The following FSAF1 variants were observed in gnomAD, a reference collection of about 807,000 sequenced individuals.
FSAF1 encodes 40S small subunit processome assembly factor 1, also known as uncharacterized protein C1orf131.
the FSAF1 span, chr1:231,224,305 T>C: frequency 6.2e-7 from 1 of 1,612,132 alleles, no homozygotes; most frequent in Non-Finnish European, 8.5e-7. Flanking sequence ...GAAGAATTTA[T>C]TTTCTTGATA....
the FSAF1 span, among the ~76,000 whole-genome samples, chr1:231,235,482 C>T: frequency 3.3e-5 from 5 of 149,298 alleles, no homozygotes; most frequent in African/African-American, 1.2e-4. Flanking sequence ...GGTGACAGGG[C>T]AAGACTCCAT....
chr1:231,227,192 C>T, the FSAF1 span: 1 of 981,972 alleles, frequency 1.0e-6, no homozygotes, highest in South Asian at 1.4e-5. Context: ...GGAATAATAA[C>T]TCCACTGTCA....
the FSAF1 span, chr1:231,227,099 T>G: frequency 1.8e-5 from 29 of 1,606,810 alleles, no homozygotes; most frequent in East Asian, 5.1e-4. Flanking sequence ...CAGACGCAAG[T>G]GCATTCCAAC....
chr1:231,233,282 A>T, the FSAF1 span, among the ~76,000 whole-genome samples: 1 of 152,254 alleles, frequency 6.6e-6, no homozygotes, highest in South Asian at 2.1e-4. Context: ...TCTCTCTAGT[A>T]TAAAAGTTAT....
the FSAF1 span, chr1:231,224,058 G>T: frequency 7.2e-6 from 3 of 415,306 alleles, no homozygotes; most frequent in Non-Finnish European, 1.2e-5. Flanking sequence ...CTTTTCAGTG[G>T]GTTCACTTCA....
the FSAF1 span, chr1:231,229,115 A>T: frequency 8.1e-7 from 1 of 1,240,578 alleles, no homozygotes; most frequent in Non-Finnish European, 1.1e-6. Context: ...AAATAAAGTT[A>T]ATTATAAATA....
the FSAF1 span, among the ~76,000 whole-genome samples, chr1:231,240,535 T>A: frequency 1.4e-5 from 2 of 144,758 alleles, no homozygotes; most frequent in Non-Finnish European, 3.0e-5. This position sits in a 1 kb window ranked among gnomAD's most constrained non-coding sequence, Gnocchi z 4.1. Flanking sequence ...CGCACTTGTT[T>A]AAAAAAAAAA....
At chr1:231,224,429 A>G in the FSAF1 span, 1 of 1,599,412 alleles carries the variant, frequency 6.3e-7, no homozygotes, top group Non-Finnish European at 8.5e-7. Flanking sequence ...ATTTAAAGTA[A>G]GAGAAAGGTA....
chr1:231,230,440 A>C, the FSAF1 span, among the ~76,000 whole-genome samples: 1 of 152,320 alleles, frequency 6.6e-6, no homozygotes, highest in Non-Finnish European at 1.5e-5. Context: ...TTTGGTTTAT[A>C]ATTCCTAACA....
chr1:231,233,961 T>C, the FSAF1 span, among the ~76,000 whole-genome samples: 3 of 152,208 alleles, frequency 2.0e-5, no homozygotes, highest in African/African-American at 7.2e-5. Context: ...CTCTGGGTGT[T>C]TGGAATTGCA....
At chr1:231,238,676 G>C in the FSAF1 span, 2 of 558,838 alleles carry the variant, frequency 3.6e-6, no homozygotes, top group African/African-American at 3.7e-5. Flanking sequence ...ACTAAGGTCA[G>C]TCTGTAGGCC....
chr1:231,233,387 A>C, the FSAF1 span, among the ~76,000 whole-genome samples: 1 of 152,228 alleles, frequency 6.6e-6, no homozygotes, highest in Non-Finnish European at 1.5e-5. Context: ...CCTTAGGGTC[A>C]GGTTCCAGCT....
the FSAF1 span, among the ~76,000 whole-genome samples, chr1:231,232,618 G>T: frequency 3.9e-5 from 6 of 152,128 alleles, no homozygotes; most frequent in Non-Finnish European, 8.8e-5. Flanking sequence ...CTAACCTATC[G>T]CAACTAATCT....
At chr1:231,226,500 G>T in the FSAF1 span, 1 of 572,756 alleles carries the variant, frequency 1.7e-6, no homozygotes, top group Non-Finnish European at 3.1e-6. Context: ...TTCCTTTACA[G>T]CAACAAAAAC....
the FSAF1 span, among the ~76,000 whole-genome samples, chr1:231,228,309 T>C: frequency 2.0e-5 from 3 of 152,148 alleles, no homozygotes; most frequent in Non-Finnish European, 2.9e-5. Context: ...TTCAACCAAG[T>C]GAGTGCAGAC....
the FSAF1 span, among the ~76,000 whole-genome samples, chr1:231,231,865 C>G: frequency 6.6e-6 from 1 of 152,158 alleles, no homozygotes; most frequent in Non-Finnish European, 1.5e-5. Context: ...GAGGGGCCGA[C>G]TAGACCAAGG....
At chr1:231,235,784 C>T in the FSAF1 span, among the ~76,000 whole-genome samples, 1 of 152,148 alleles carries the variant, frequency 6.6e-6, no homozygotes, top group Non-Finnish European at 1.5e-5. Flanking sequence ...GCAGGAGTGA[C>T]AGAGTGACAC....
chr1:231,239,289 G>T, the FSAF1 span: 259 of 890,824 alleles, frequency 2.9e-4, no homozygotes, highest in African/African-American at 3.6e-3. Flanking sequence ...AGGGCTATAT[G>T]CACCTAGAAG....
At chr1:231,225,663 C>A in the FSAF1 span, 1 of 781,656 alleles carries the variant, frequency 1.3e-6, no homozygotes, top group Non-Finnish European at 2.1e-6. Flanking sequence ...ACATAACAGT[C>A]TCAAAGTTTT....
Sources: allele counts gnomAD v4.1 joint callset (sites outside exome capture counted in the v4.1 genomes callset), GRCh38; gene constraint gnomAD v4.1.1; non-coding constraint Gnocchi (gnomAD v3.1); transcripts MANE v1.5; gene names NCBI Gene and HGNC (gene_info 2026-07-23, HGNC 2026-07-21).